Variants in SORCS2 observed in about 807,000 individuals in gnomAD.
SORCS2 encodes the protein VPS10 domain-containing receptor SorCS2.
In SORCS2, 100 loss-of-function variants were observed where a neutral mutation model predicts 141.6. The observed-to-expected ratio is 0.71, with a 90% CI of 0.60 to 0.83. The LOEUF is 0.83. SORCS2 is among the 40% of genes least tolerant of loss of function. The probability of loss-of-function intolerance (pLI) is 0.00; values close to 1 mark genes in which losing one functional copy is unlikely to be tolerated. For synonymous variants in SORCS2, 789 were observed against 676.9 expected (o/e 1.17, Z -2.57); for missense variants, 1,646 against 1,560.2 (o/e 1.05, Z -0.93).
At chr4:7,732,806 C>T (rs1482575826) in intron 23 of SORCS2, among the ~76,000 whole-genome samples, 1 of 152,120 alleles carries the variant, frequency 6.6e-6, no homozygotes, top group Non-Finnish European at 1.5e-5. Context: ...GCCTTTGTGT[C>T]CCTTCCATGG....
intron 1 of SORCS2, among the ~76,000 whole-genome samples, chr4:7,345,970 G>A (rs1320917969): frequency 6.6e-6 from 1 of 152,116 alleles, no homozygotes; most frequent in Non-Finnish European, 1.5e-5. Flanking sequence ...CTAGCCAAAA[G>A]GTCTACCATT....
At chr4:7,378,481 A>G (rs1722790913) in intron 1 of SORCS2, among the ~76,000 whole-genome samples, 1 of 152,190 alleles carries the variant, frequency 6.6e-6, no homozygotes, top group African/African-American at 2.4e-5. Flanking sequence ...ATCAGGAGAG[A>G]GAAGTGCCAA....
intron 3 of SORCS2, among the ~76,000 whole-genome samples, chr4:7,543,132 A>T (rs936439552): frequency 9.9e-5 from 15 of 152,224 alleles, no homozygotes; most frequent in African/African-American, 3.4e-4. Flanking sequence ...AGGATGGCAC[A>T]GAGCCCTGGA....
In SORCS2 at chr4:7,676,114, TGGACACCTACAACCTGTACCAGTC is replaced by T; in HGVS notation, c.1231_1254del (p.Thr411_Asp418del). 1 of 1,585,242 alleles carries T rather than the reference TGGACACCTACAACCTGTACCAGTC, an allele frequency of 6.3e-7. No homozygotes were observed. Among genetic ancestry groups the T allele is most frequent in the Non-Finnish European group, 8.6e-7 (1 of 1,164,224 alleles). On this transcript the variant is annotated inframe_deletion, in exon 9 of 27. Coordinates refer to ENST00000507866, the MANE Select transcript of SORCS2 (RefSeq NM_020777.3). ...GTGGCGGTGCAGGAGTGGTACCAGA[TGGACACCTACAACCTGTACCAGTC>T]GGACCCACGGGGCGTGCGCTACGCG...
intron 3 of SORCS2, among the ~76,000 whole-genome samples, chr4:7,636,867 G>A (rs907444133): frequency 6.6e-6 from 1 of 152,144 alleles, no homozygotes; most frequent in Admixed American, 6.5e-5. Context: ...TCAGTCTGGA[G>A]GCTGGGAGTC....
chr4:7,504,368 T>C (rs1344012059), intron 2 of SORCS2, among the ~76,000 whole-genome samples: 2 of 152,222 alleles, frequency 1.3e-5, no homozygotes, highest in Non-Finnish European at 2.9e-5. Flanking sequence ...TGTGACTTTG[T>C]AGAGCCCGAG....
intron 26 of SORCS2, 82 bp from the exon 27 acceptor site, chr4:7,740,118 G>C: frequency 1.6e-6 from 2 of 1,267,912 alleles, no homozygotes; most frequent in Non-Finnish European, 2.2e-6. Context: ...GGCACTGCCT[G>C]AGGCCACGAC....
intron 3 of SORCS2, among the ~76,000 whole-genome samples, chr4:7,565,057 A>T (rs16840516): frequency 0.096 from 14,556 of 152,116 alleles, 835 homozygotes; most frequent in African/African-American, 0.17. Context: ...TGTGTTAGCT[A>T]CCTCGAGCCA....
At chr4:7,320,827 A>G (rs1409158079) in intron 1 of SORCS2, among the ~76,000 whole-genome samples, 2 of 152,078 alleles carry the variant, frequency 1.3e-5, no homozygotes, top group Non-Finnish European at 2.9e-5. Context: ...TCATGCATTC[A>G]CTTAAAGAAG....
intron 5 of SORCS2, among the ~76,000 whole-genome samples, chr4:7,660,417 T>G (rs1392757245): frequency 5.9e-5 from 9 of 152,330 alleles, no homozygotes; most frequent in South Asian, 4.1e-4. Context: ...TTTGTCCCAC[T>G]GGGCTCTTAG....
At chr4:7,591,716 C>T (rs1200167316) in intron 3 of SORCS2, among the ~76,000 whole-genome samples, 1 of 152,176 alleles carries the variant, frequency 6.6e-6, no homozygotes, top group Non-Finnish European at 1.5e-5. Flanking sequence ...CCATCGCCCC[C>T]GTAGAGCCCG....
chr4:7,502,777 G>C (rs1399115502), intron 2 of SORCS2, among the ~76,000 whole-genome samples: 1 of 130,072 alleles, frequency 7.7e-6, no homozygotes, highest in Non-Finnish European at 1.7e-5. Flanking sequence ...AGAGACCACT[G>C]TGCGGGGAGC....
At chr4:7,254,834 C>T (rs534685906) in intron 1 of SORCS2, among the ~76,000 whole-genome samples, 3 of 152,202 alleles carry the variant, frequency 2.0e-5, no homozygotes, top group African/African-American at 7.2e-5. Context: ...AGAGCAGAGT[C>T]TCTCACATCT....
At chr4:7,506,521 C>T (rs781318509) in intron 2 of SORCS2, among the ~76,000 whole-genome samples, 11 of 135,406 alleles carry the variant, frequency 8.1e-5, no homozygotes, top group East Asian at 2.3e-4. Context: ...CATTAGCTGA[C>T]ATCCCGAGAT....
At chr4:7,640,464 G>T (rs760158699) in intron 4 of SORCS2, among the ~76,000 whole-genome samples, 1 of 63,886 alleles carries the variant, frequency 1.6e-5, no homozygotes, top group Non-Finnish European at 3.5e-5. Context: ...GTGTATGAGC[G>T]TGTGTGTGTG....
intron 3 of SORCS2, among the ~76,000 whole-genome samples, chr4:7,573,503 T>A (rs1469861763): frequency 6.6e-6 from 1 of 152,162 alleles, no homozygotes; most frequent in Non-Finnish European, 1.5e-5. Context: ...GTGTTCTGAT[T>A]TTTTGTTTGT....
intron 11 of SORCS2, 119 bp downstream of exon 11, chr4:7,689,707 C>A (rs1724095730): frequency 1.1e-6 from 1 of 878,158 alleles, no homozygotes; most frequent in Non-Finnish European, 1.7e-6. Flanking sequence ...CTTTAGGAGG[C>A]AGTACCACTG....
intron 3 of SORCS2, among the ~76,000 whole-genome samples, chr4:7,544,700 T>C (rs574914950): frequency 1.3e-5 from 2 of 152,354 alleles, no homozygotes; most frequent in South Asian, 4.1e-4. Context: ...CCCCTAGCTA[T>C]GGGTGAGCTA....
intron 4 of SORCS2, among the ~76,000 whole-genome samples, chr4:7,638,796 C>T (rs143517144): frequency 1.3e-5 from 2 of 152,244 alleles, no homozygotes; most frequent in African/African-American, 2.4e-5. Flanking sequence ...TCATGCCACT[C>T]GCCATCCCTT....
Sources: allele counts gnomAD v4.1 joint callset (sites outside exome capture counted in the v4.1 genomes callset), GRCh38; gene constraint gnomAD v4.1.1; transcripts MANE v1.5; gene names NCBI Gene and HGNC (gene_info 2026-07-23, HGNC 2026-07-21).